Variants in STXBP5L observed in about 807,000 individuals in gnomAD.
STXBP5L encodes syntaxin-binding protein 5-like.
A neutral mutation model predicts 144.5 loss-of-function variants in STXBP5L; 65 were observed. That is an observed-to-expected ratio of 0.45 (90% CI 0.37 to 0.55). STXBP5L has a LOEUF of 0.55. STXBP5L is among the 20% of genes least tolerant of loss of function. STXBP5L has a pLI of 0.00. For missense variants in STXBP5L, 1,298 were observed against 1,405.5 expected (o/e 0.92, Z 1.22); for synonymous variants, 505 against 469.6 (o/e 1.08, Z -0.97).
chr3:121,128,192 C>A (rs538883696), intron 7 of STXBP5L, among the ~76,000 whole-genome samples: 2 of 151,902 alleles, frequency 1.3e-5, no homozygotes, highest in South Asian at 2.1e-4. Flanking sequence ...TTTATGGGGG[C>A]AGTTACTTAT....
intron 2 of STXBP5L, among the ~76,000 whole-genome samples, chr3:120,954,721 A>G (rs925023562): frequency 6.6e-6 from 1 of 152,076 alleles, no homozygotes; most frequent in Non-Finnish European, 1.5e-5. Context: ...TTAGTTTTAT[A>G]AGAAACTGCA....
At chr3:121,282,341 A>G in intron 19 of STXBP5L, 1 of 1,610,512 alleles carries the variant, frequency 6.2e-7, no homozygotes, top group Non-Finnish European at 8.5e-7. Flanking sequence ...TATCAGAGTA[A>G]GTTATATAAA....
chr3:121,343,503 T>C lies in STXBP5L; in HGVS notation c.2176+24963T>C, dbSNP rs371860164. Among the ~76,000 whole-genome samples, 394 of 152,150 alleles carry C rather than the reference T, an allele frequency of 2.6e-3. 2 individuals are homozygous for C. Among genetic ancestry groups the C allele is most frequent in the African/African-American group, 8.6e-3 (356 of 41,504 alleles). On this transcript the variant is annotated intron_variant, in intron 20 of 26. Coordinates refer to ENST00000471454, the MANE Select transcript of STXBP5L (RefSeq NM_001308330.2). ...TGACTGTATATCTAGAAAACCCCAT[T>C]GTCTCAGCCCAAAATCTCCTTAAGC...
chr3:121,092,178 G>A (rs1350701839), intron 5 of STXBP5L, among the ~76,000 whole-genome samples: 1 of 152,094 alleles, frequency 6.6e-6, no homozygotes, highest in African/African-American at 2.4e-5. Context: ...CTGTAGCCTT[G>A]TAGTATAGTT....
At chr3:121,224,864 T>A (rs2049073073) in intron 11 of STXBP5L, among the ~76,000 whole-genome samples, 1 of 152,082 alleles carries the variant, frequency 6.6e-6, no homozygotes, top group South Asian at 2.1e-4. Context: ...GGAAAATGCC[T>A]CCTATGAAAA....
Position 121,316,176 on chromosome 3 carries a change from AATG to A in STXBP5L, c.2111-2293_2111-2291del, listed in dbSNP as rs201292564. ...TGTTCTGAATAACTATATAGTATTT[AATG>A]ATGATAATTATAAAATTGTTTAGGG... is the stretch of plus-strand genomic sequence containing the variant. On this transcript the variant is annotated intron_variant, in intron 19 of 26. Transcript: ENST00000471454. Among the ~76,000 whole-genome samples the A allele has an allele frequency of 3.3e-5, 5 of 152,198 alleles. No homozygotes were observed. The East Asian group carries it at 5.8e-4, about 18-fold the overall frequency.
intron 5 of STXBP5L, among the ~76,000 whole-genome samples, chr3:121,093,287 A>G (rs1434462969): frequency 9.9e-5 from 15 of 152,174 alleles, no homozygotes; most frequent in Admixed American, 9.8e-4. Flanking sequence ...CTGGCCTCAT[A>G]AAATGAGTTA....
At chr3:120,977,520 A>G (rs1941208534) in intron 3 of STXBP5L, among the ~76,000 whole-genome samples, 1 of 152,148 alleles carries the variant, frequency 6.6e-6, no homozygotes, top group Non-Finnish European at 1.5e-5. Flanking sequence ...TGTGTCTTTT[A>G]ATTGTAGCAT....
At chr3:121,125,458 A>G (rs926757798) in intron 7 of STXBP5L, among the ~76,000 whole-genome samples, 43 of 152,018 alleles carry the variant, frequency 2.8e-4, no homozygotes, top group African/African-American at 9.7e-4. Flanking sequence ...GCAACAGAGC[A>G]AGACTCCATC....
intron 5 of STXBP5L, among the ~76,000 whole-genome samples, chr3:121,086,868 G>A (rs1414000894): frequency 6.6e-6 from 1 of 151,994 alleles, no homozygotes; most frequent in Non-Finnish European, 1.5e-5. Flanking sequence ...CTCTATATAA[G>A]AGCGATGTTT....
At chr3:121,416,901 C>T (rs1158417081) in intron 25 of STXBP5L, among the ~76,000 whole-genome samples, 3 of 152,078 alleles carry the variant, frequency 2.0e-5, no homozygotes, top group African/African-American at 4.8e-5. Flanking sequence ...ATCATTTGGT[C>T]CTATAGATCA....
rs532608197 is a variant in STXBP5L, at chr3:121,086,443, A to G, written c.471-28482A>G. On this transcript the variant is annotated intron_variant, in intron 5 of 26. Transcript: ENST00000471454. ...ATAGCCATTGTAACATTATAGCACA[A>G]TGCATTGCCCTTTTCTATATTTAAA... Among the ~76,000 whole-genome samples the G allele has an allele frequency of 2.8e-4, 43 of 151,654 alleles. No individual in the cohort carries two copies. In the South Asian group the frequency reaches 8.9e-3, roughly 32 times the overall value.
Position 121,343,787 on chromosome 3 carries a change from T to C in STXBP5L, c.2176+25247T>C, listed in dbSNP as rs143987823. ...TGGAAGAACATTCCATGCTCATGGG[T>C]AGGAAGAATCAATATCGTGAAAATG... On this transcript the variant is annotated intron_variant, in intron 20 of 26. Transcript: ENST00000471454. 9.4e-3 allele frequency among the ~76,000 whole-genome samples: 1,436 copies of C among 152,184 alleles called. 10 individuals carry two copies. The highest frequency in any genetic ancestry group is 0.024 in the Middle Eastern group (7 of 294).
At chr3:120,991,706 C>A (rs562063801) in intron 3 of STXBP5L, among the ~76,000 whole-genome samples, 84 of 151,566 alleles carry the variant, frequency 5.5e-4, no homozygotes, top group Middle Eastern at 3.4e-3. Flanking sequence ...CAAACTATCA[C>A]AAGGACAAAA....
chr3:120,918,989 C>G (rs915752626), intron 2 of STXBP5L, among the ~76,000 whole-genome samples: 1 of 152,028 alleles, frequency 6.6e-6, no homozygotes, highest in Non-Finnish European at 1.5e-5. Flanking sequence ...TGGTAACATT[C>G]TTTAAGGAAT....
chr3:121,045,519 A>G lies in STXBP5L; in HGVS notation c.454A>G (p.Lys152Glu). Residue 152 changes from lysine (K) to glutamate (E), a missense_variant, in exon 5 of 27, where the codon AAA (lysine) becomes GAA (glutamate). Transcript: ENST00000471454. ...QKRPAILHSLKFNRERITYCH... is the reference protein window; with the variant it reads ...QKRPAILHSLEFNRERITYCH... ...AAGGCCAGCCATACTCCATTCTCTT[A>G]AATTTAACCGGGAACGGTAAGAACC... 1 of 1,612,312 alleles carries G rather than the reference A, an allele frequency of 6.2e-7. No homozygotes were observed. The highest frequency in any genetic ancestry group is 8.5e-7 in the Non-Finnish European group (1 of 1,179,112).
At chr3:121,180,955 G>A (rs1343676962) in intron 9 of STXBP5L, among the ~76,000 whole-genome samples, 2 of 151,482 alleles carry the variant, frequency 1.3e-5, no homozygotes, top group East Asian at 3.9e-4. Context: ...GAGAAAAGAA[G>A]CAGAGGGTAA....
intron 5 of STXBP5L, among the ~76,000 whole-genome samples, chr3:121,046,358 A>G (rs572680116): frequency 2.2e-4 from 34 of 152,060 alleles, no homozygotes; most frequent in African/African-American, 7.9e-4. Context: ...TGGTATCAGG[A>G]TGAAGCTGGC....
At chr3:120,940,652 T>C (rs1457201760) in intron 2 of STXBP5L, among the ~76,000 whole-genome samples, 2 of 148,916 alleles carry the variant, frequency 1.3e-5, no homozygotes, top group Non-Finnish European at 3.0e-5. Context: ...AAAAAAACAG[T>C]GGAATTTATT....
Sources: gnomAD v4.1 joint callset for allele counts (sites outside exome capture counted in the v4.1 genomes callset) on GRCh38, gnomAD v4.1.1 for gene constraint, MANE v1.5 for transcripts, NCBI Gene and HGNC (gene_info 2026-07-23, HGNC 2026-07-21) for gene names.